CIT: variants seen among roughly 807,000 people sequenced by gnomAD.
CIT encodes the protein citron Rho-interacting kinase.
CIT carries 79 observed loss-of-function variants against 272.7 expected under a neutral mutation model. The ratio of observed to expected loss-of-function variants is 0.29; its 90% CI spans 0.24 to 0.35. The LOEUF is 0.35. Among genes scored for constraint, CIT ranks in the 10% least tolerant of loss-of-function variants. The pLI is 1.00. For synonymous variants in CIT, 948 were observed against 995.6 expected (o/e 0.95, Z 0.90); for missense variants, 1,909 against 2,618.3 (o/e 0.73, Z 5.91).
chr12:119,821,528 CTT>C (rs1364040185), intron 9 of CIT, among the ~76,000 whole-genome samples: 1 of 152,116 alleles, frequency 6.6e-6, no homozygotes, highest in African/African-American at 2.4e-5. Flanking sequence ...TGGGGGACTA[CTT>C]TAACTCTACT....
At position 119,811,585 on chromosome 12, in the gene CIT, T is replaced by A. The variant is rs114620000; in HGVS notation, c.1112-8196A>T. 8.7e-3 allele frequency among the ~76,000 whole-genome samples: 1,327 copies of A among 152,316 alleles called. 19 individuals carry two copies. Among genetic ancestry groups the A allele is most frequent in the African/African-American group, 0.03 (1,242 of 41,568 alleles). On this transcript the variant is annotated intron_variant, in intron 9 of 47. Transcript: ENST00000392521. ...GCAGATAACCTCTCTGGTGGTGGAT[T>A]TCAATGGAGATGTGAGCTCTAGCTG...
At chr12:119,729,119 T>A (rs1216812379) in intron 27 of CIT, among the ~76,000 whole-genome samples, 5 of 152,192 alleles carry the variant, frequency 3.3e-5, no homozygotes, top group Non-Finnish European at 7.3e-5. Context: ...TATTGCAAAG[T>A]CTGGAGCTTT....
At chr12:119,847,696 G>GC (rs1969913431) in intron 5 of CIT, among the ~76,000 whole-genome samples, 1 of 152,108 alleles carries the variant, frequency 6.6e-6, no homozygotes, top group South Asian at 2.1e-4. Flanking sequence ...TTTGAGACCA[G>GC]CCCCACCAAC....
intron 30 of CIT, 147 bp from the exon 31 acceptor site, chr12:119,719,008 G>T: frequency 1.3e-6 from 1 of 786,968 alleles, no homozygotes. Context: ...ATGTGAAGGG[G>T]GGGAAGGGTA....
intron 24 of CIT, among the ~76,000 whole-genome samples, chr12:119,738,747 G>A (rs953282133): frequency 2.0e-5 from 3 of 152,072 alleles, no homozygotes; most frequent in East Asian, 1.9e-4. Context: ...GCTGGGCATG[G>A]TGGCACATGC....
intron 9 of CIT, among the ~76,000 whole-genome samples, chr12:119,809,179 A>G (rs1296557327): frequency 6.6e-6 from 1 of 152,170 alleles, no homozygotes; most frequent in African/African-American, 2.4e-5. Context: ...TGAGGCAGGG[A>G]AGAAAGTGAA....
chr12:119,773,513 A>C (rs1188971318), intron 16 of CIT, among the ~76,000 whole-genome samples: 2 of 151,904 alleles, frequency 1.3e-5, no homozygotes, highest in Admixed American at 6.6e-5. Flanking sequence ...GCTCACTGCA[A>C]CCTCCACCTC....
Position 119,690,397 on chromosome 12 carries a change from G to A in CIT, c.5940C>T (p.Ala1980=). The change falls in exon 47 of 48, where the codon GCC becomes GCT. Residue 1980 remains alanine (A), a synonymous_variant. Coordinates refer to ENST00000392521, the MANE Select transcript of CIT (RefSeq NM_001206999.2). This position sits in a 1 kb window ranked among gnomAD's most constrained non-coding sequence, Gnocchi z 6.0. Reference sequence around the variant, plus strand: ...GGCCTTCGGGCGGCGCTGGGCTGGAGGCCACGCGCTTGGTGATGTGCTCGT... The same window carrying A: ...GGCCTTCGGGCGGCGCTGGGCTGGAAGCCACGCGCTTGGTGATGTGCTCGT... ...TYNEHITKRV[A]SSPAPPEGPS... 1 of 1,596,760 alleles carries A rather than the reference G, an allele frequency of 6.3e-7. No individual in the cohort carries two copies. Among genetic ancestry groups the A allele is most frequent in the Non-Finnish European group, 8.5e-7 (1 of 1,177,528 alleles).
chr12:119,724,877 A>T (rs1957999527), intron 28 of CIT, among the ~76,000 whole-genome samples: 1 of 132,290 alleles, frequency 7.6e-6, no homozygotes, highest in East Asian at 2.6e-4. Context: ...CAGAGCTTGC[A>T]GTGAGCCGAG....
At chr12:119,722,415 C>G (rs369391029) in intron 28 of CIT, among the ~76,000 whole-genome samples, 1 of 152,216 alleles carries the variant, frequency 6.6e-6, no homozygotes, top group Non-Finnish European at 1.5e-5. Context: ...CCCCCAAACT[C>G]CTCCATCCCA....
Position 119,694,078 on chromosome 12 carries a change from C to T in CIT, c.5882+3581G>A, listed in dbSNP as rs1265966698. Among the ~76,000 whole-genome samples the T allele has an allele frequency of 1.3e-5, 2 of 152,172 alleles. No individual in the cohort carries two copies. The highest frequency in any genetic ancestry group is 3.8e-4 in the East Asian group (2 of 5,200). ...GGCCAAGGTTTCAAACTTCCTACACCTCGAGCTGGATCTAGCTCCTAGCAC... is the reference window on the plus strand; with the variant it reads ...GGCCAAGGTTTCAAACTTCCTACACTTCGAGCTGGATCTAGCTCCTAGCAC... On this transcript the variant is annotated intron_variant, in intron 46 of 47. Coordinates refer to ENST00000392521, the MANE Select transcript of CIT (RefSeq NM_001206999.2). This position sits in a 1 kb window ranked among gnomAD's most constrained non-coding sequence, Gnocchi z 4.5.
chr12:119,745,179 G>GT (rs1364474665), intron 23 of CIT, among the ~76,000 whole-genome samples: 1 of 145,472 alleles, frequency 6.9e-6, no homozygotes, highest in African/African-American at 2.5e-5. Context: ...TAATGAAACT[G>GT]TTTAAGTCCA....
intron 39 of CIT, among the ~76,000 whole-genome samples, chr12:119,708,888 G>A (rs887485853): frequency 1.3e-5 from 2 of 152,272 alleles, no homozygotes; most frequent in African/African-American, 4.8e-5. Flanking sequence ...AATGTGAACT[G>A]TACTTTCAAA....
chr12:119,704,968 A>G (rs1222755569), intron 40 of CIT, among the ~76,000 whole-genome samples: 1 of 152,226 alleles, frequency 6.6e-6, no homozygotes, highest in African/African-American at 2.4e-5. Context: ...GCTGGAGTGC[A>G]GTGGCATGAT....
chr12:119,794,409 T>C (rs1373283406), intron 10 of CIT, among the ~76,000 whole-genome samples: 1 of 152,210 alleles, frequency 6.6e-6, no homozygotes, highest in Non-Finnish European at 1.5e-5. Flanking sequence ...TATGCTGGCA[T>C]GAAAAAGCTT....
At chr12:119,766,796 T>C (rs1370094537) in intron 19 of CIT, among the ~76,000 whole-genome samples, 1 of 149,744 alleles carries the variant, frequency 6.7e-6, no homozygotes, top group East Asian at 2.0e-4. Context: ...AAAAGGATTA[T>C]AGAAATGATC....
intron 5 of CIT, among the ~76,000 whole-genome samples, chr12:119,842,090 A>C (rs1399709688): frequency 6.6e-6 from 1 of 152,098 alleles, no homozygotes; most frequent in Non-Finnish European, 1.5e-5. Flanking sequence ...AGCACAAATA[A>C]TTTAGACAAA....
intron 26 of CIT, among the ~76,000 whole-genome samples, chr12:119,731,278 C>T (rs1000704768): frequency 2.0e-5 from 3 of 151,942 alleles, no homozygotes; most frequent in African/African-American, 7.3e-5. Flanking sequence ...AGTTCGAGAC[C>T]AGCCTGGCCA....
intron 10 of CIT, among the ~76,000 whole-genome samples, chr12:119,787,614 C>T (rs1964912900): frequency 6.7e-6 from 1 of 150,132 alleles, no homozygotes. Flanking sequence ...GCCTGTAGTC[C>T]CAGCTACTCC....
Sources: allele counts gnomAD v4.1 joint callset (sites outside exome capture counted in the v4.1 genomes callset), GRCh38; gene constraint gnomAD v4.1.1; non-coding constraint Gnocchi (gnomAD v3.1); transcripts MANE v1.5; gene names NCBI Gene and HGNC (gene_info 2026-07-23, HGNC 2026-07-21).